Variants in CPED1 observed in about 807,000 individuals in gnomAD.
The protein encoded by CPED1 is cadherin like and PC-esterase domain containing 1, also known as cadherin-like and PC-esterase domain-containing protein 1.
Under a neutral mutation model 128.2 loss-of-function variants are expected in CPED1, and 114 were observed. The ratio of observed to expected loss-of-function variants is 0.89; its 90% CI spans 0.76 to 1.04. CPED1 has a LOEUF of 1.04. Among genes scored for constraint, CPED1 ranks in the 50% least tolerant of loss-of-function variants. The pLI is 0.00. For synonymous variants in CPED1, 462 were observed against 426.7 expected, an observed-to-expected ratio of 1.08 and a Z score of -1.02; for missense variants, 1,211 against 1,207.1, an observed-to-expected ratio of 1.00 and a Z score of -0.05.
Position 121,125,957 on chromosome 7 carries a change from G to T in CPED1, c.1134+65G>T, listed in dbSNP as rs372612526. On this transcript the variant is annotated intron_variant, in intron 9 of 22. Coordinates refer to ENST00000310396, the MANE Select transcript of CPED1 (RefSeq NM_024913.5). ...GGTGAGAGATCAGTGTGTGTGTGTT[G>T]TTGTTGTTGTTTTCATTCATAGTAA... The T allele has an allele frequency of 4.3e-4, 498 of 1,153,294 alleles. 5 individuals are homozygous for T. The Middle Eastern group carries it at 0.023, about 54-fold the overall frequency. 71.4% of individuals were successfully genotyped at this position (1,153,294 alleles called of 1,614,324 possible). A position where few individuals can be genotyped will look rare whatever the true frequency, so the allele number is the denominator to read the frequency against.
intron 16 of CPED1, among the ~76,000 whole-genome samples, chr7:121,175,594 T>G (rs966751955): frequency 2.0e-5 from 3 of 152,090 alleles, no homozygotes; most frequent in African/African-American, 4.8e-5. Flanking sequence ...TCAAAGCCAG[T>G]CTTCTATTCT....
intron 7 of CPED1, among the ~76,000 whole-genome samples, chr7:121,114,999 A>G (rs984608448): frequency 1.3e-5 from 2 of 152,226 alleles, no homozygotes; most frequent in Non-Finnish European, 2.9e-5. Flanking sequence ...AGTGTTCAAG[A>G]TAAGTTCAGC....
intron 16 of CPED1, among the ~76,000 whole-genome samples, chr7:121,166,444 G>T (rs1796526900): frequency 6.6e-6 from 1 of 152,074 alleles, no homozygotes; most frequent in Admixed American, 6.6e-5. Context: ...TTATATATTA[G>T]ACATACTGAT....
chr7:121,256,115 AAAAAAAAACAAAAC>A (rs1791857052), intron 18 of CPED1, among the ~76,000 whole-genome samples: 1 of 73,490 alleles, frequency 1.4e-5, no homozygotes, highest in African/African-American at 3.2e-5. Context: ...CCTAAGCAAA[AAAAAAAAACAAAAC>A]AAAAAAAAAA....
At chr7:121,106,412 A>G (rs1379341653) in intron 7 of CPED1, among the ~76,000 whole-genome samples, 2 of 152,094 alleles carry the variant, frequency 1.3e-5, no homozygotes, top group East Asian at 3.9e-4. Flanking sequence ...AAAACCTAAC[A>G]CTAATGAATA....
At chr7:121,096,795 T>C (rs1017041077) in intron 5 of CPED1, among the ~76,000 whole-genome samples, 2 of 152,122 alleles carry the variant, frequency 1.3e-5, no homozygotes, top group African/African-American at 2.4e-5. Context: ...ATGGAAAGGA[T>C]GCCAGGATGG....
intron 16 of CPED1, among the ~76,000 whole-genome samples, chr7:121,194,022 C>CTCTATATATATATA (rs1484413430): frequency 1.3e-5 from 1 of 74,762 alleles, no homozygotes; most frequent in Non-Finnish European, 2.4e-5. Context: ...CTCTCTCTCT[C>CTCTATATATATATA]TATATATATA....
intron 2 of CPED1, among the ~76,000 whole-genome samples, chr7:120,997,561 T>C (rs1442532165): frequency 1.3e-5 from 2 of 152,154 alleles, no homozygotes; most frequent in East Asian, 3.8e-4. Flanking sequence ...TTATCGCAGA[T>C]ATAATTAGTT....
rs186240667 is a variant in CPED1, at chr7:121,087,471, A to G, written c.617-10228A>G. Among the ~76,000 whole-genome samples the G allele has an allele frequency of 9.9e-5, 15 of 152,266 alleles. 1 individual carries two copies. The East Asian group carries it at 2.7e-3, about 27-fold the overall frequency. On this transcript the variant is annotated intron_variant, in intron 5 of 22. Coordinates refer to ENST00000310396, the MANE Select transcript of CPED1 (RefSeq NM_024913.5). Reference sequence around the variant, plus strand: ...TGTATCCCTCTTTCTTAGAGAGGGAAGGAAGAGGGGTATCTGTATTTTGAC... The same window carrying G: ...TGTATCCCTCTTTCTTAGAGAGGGAGGGAAGAGGGGTATCTGTATTTTGAC...
intron 3 of CPED1, among the ~76,000 whole-genome samples, chr7:121,024,042 T>G (rs1230657780): frequency 2.0e-5 from 3 of 152,144 alleles, no homozygotes. Context: ...CAAAGAAACA[T>G]GTAAGACTGC....
intron 16 of CPED1, among the ~76,000 whole-genome samples, chr7:121,189,984 C>G (rs538422139): frequency 7.9e-4 from 120 of 150,968 alleles, no homozygotes; most frequent in African/African-American, 2.9e-3. Flanking sequence ...AGGCAGCAAA[C>G]AAAAAGAGAC....
intron 3 of CPED1, among the ~76,000 whole-genome samples, chr7:121,027,436 A>G (rs1338569173): frequency 1.3e-5 from 2 of 152,182 alleles, no homozygotes; most frequent in African/African-American, 4.8e-5. Flanking sequence ...TGTATATGCA[A>G]TTGAAAAAAC....
intron 7 of CPED1, among the ~76,000 whole-genome samples, chr7:121,120,096 T>C (rs977250999): frequency 1.3e-5 from 2 of 152,232 alleles, no homozygotes; most frequent in African/African-American, 4.8e-5. Flanking sequence ...ATGTCAATAA[T>C]GCTATTATGA....
chr7:121,076,024 G>A (rs1794116615), intron 5 of CPED1, among the ~76,000 whole-genome samples: 1 of 152,070 alleles, frequency 6.6e-6, no homozygotes, highest in Non-Finnish European at 1.5e-5. Flanking sequence ...ACGCCCTGAG[G>A]GTGGGACATT....
At chr7:121,140,551 G>A (rs1795877680) in intron 14 of CPED1, among the ~76,000 whole-genome samples, 1 of 151,928 alleles carries the variant, frequency 6.6e-6, no homozygotes, top group South Asian at 2.1e-4. Flanking sequence ...CGCCTTGTGT[G>A]CCTTTAAACT....
chr7:121,162,335 A>G (rs1032625962), intron 16 of CPED1, among the ~76,000 whole-genome samples: 7 of 152,210 alleles, frequency 4.6e-5, no homozygotes, highest in Non-Finnish European at 1.5e-5. Context: ...ATTTTAATGG[A>G]AGACTTCTCA....
Position 121,088,121 on chromosome 7 carries a change from A to G in CPED1, c.617-9578A>G, listed in dbSNP as rs182139789. ...TCTTATCCATCATTCACCTATTCTT[A>G]GGCATTTATTTAGCAGTTTAAAACA... On this transcript the variant is annotated intron_variant, in intron 5 of 22. Coordinates refer to ENST00000310396, the MANE Select transcript of CPED1 (RefSeq NM_024913.5). Among the ~76,000 whole-genome samples the G allele has an allele frequency of 3.7e-3, 560 of 152,314 alleles. 3 individuals carry two copies. The highest frequency in any genetic ancestry group is 0.013 in the African/African-American group (531 of 41,572).
At chr7:121,143,033 A>G (rs924547586) in intron 16 of CPED1, among the ~76,000 whole-genome samples, 5 of 151,950 alleles carry the variant, frequency 3.3e-5, no homozygotes, top group Non-Finnish European at 5.9e-5. Context: ...TCACCCCGCC[A>G]CTGTCTTATC....
intron 3 of CPED1, among the ~76,000 whole-genome samples, chr7:121,039,369 T>G (rs1451732923): frequency 6.6e-6 from 1 of 152,048 alleles, no homozygotes; most frequent in Non-Finnish European, 1.5e-5. Flanking sequence ...GAGCACTTCT[T>G]ACTTTCTGAC....
Sources: gnomAD v4.1 joint callset for allele counts (sites outside exome capture counted in the v4.1 genomes callset) on GRCh38, gnomAD v4.1.1 for gene constraint, MANE v1.5 for transcripts, NCBI Gene and HGNC (gene_info 2026-07-23, HGNC 2026-07-21) for gene names.